BCAS4: variants seen among roughly 807,000 people sequenced by gnomAD.
The protein encoded by BCAS4 is breast carcinoma amplified sequence 4.
In BCAS4, 9 loss-of-function variants were observed where a neutral mutation model predicts 15.7. That is an observed-to-expected ratio of 0.57 (90% CI 0.34 to 1.00). The LOEUF (loss-of-function observed/expected upper bound fraction) is 1.00, where lower values mean the gene tolerates loss of function less well. BCAS4 is among the 50% of genes least tolerant of loss of function. The pLI is 0.02. For synonymous variants in BCAS4, 101 were observed against 99.5 expected, an observed-to-expected ratio of 1.02 and a Z score of -0.09; for missense variants, 225 against 239.1, an observed-to-expected ratio of 0.94 and a Z score of 0.39.
intron 4 of BCAS4, among the ~76,000 whole-genome samples, chr20:50,843,251 C>T (rs1220972677): frequency 1.3e-5 from 2 of 152,216 alleles, no homozygotes; most frequent in Non-Finnish European, 2.9e-5. Context: ...GCTACCATGC[C>T]TGGCCTTATT....
intron 4 of BCAS4, among the ~76,000 whole-genome samples, chr20:50,853,907 C>G (rs1978612963): frequency 1.3e-5 from 2 of 151,988 alleles, no homozygotes; most frequent in Non-Finnish European, 1.5e-5. Flanking sequence ...TGCCGCATCT[C>G]TAGCCTCACT....
downstream of BCAS4, chr20:50,879,350 C>T (rs1980071791): frequency 6.6e-6 from 1 of 152,180 alleles, no homozygotes; most frequent in African/African-American, 2.4e-5. Flanking sequence ...AACCTCATCT[C>T]TACTAAAAAT....
intron 4 of BCAS4, among the ~76,000 whole-genome samples, chr20:50,875,047 T>A (rs2122696015): frequency 6.6e-6 from 1 of 152,308 alleles, no homozygotes; most frequent in East Asian, 1.9e-4. Context: ...CCTCTCCTTC[T>A]TCTGGTGCAG....
intron 3 of BCAS4, among the ~76,000 whole-genome samples, chr20:50,835,919 T>C (rs2123798884): frequency 6.6e-6 from 1 of 152,130 alleles, no homozygotes; most frequent in South Asian, 2.1e-4. Context: ...TTTCTTTTCT[T>C]TTCTTTTTTT....
chr20:50,839,452 G>A (rs1295358486), intron 3 of BCAS4, among the ~76,000 whole-genome samples: 1 of 152,172 alleles, frequency 6.6e-6, no homozygotes, highest in Non-Finnish European at 1.5e-5. Context: ...GATAGTGTCT[G>A]AGATTTGATG....
chr20:50,841,962 G>A, intron 4 of BCAS4, 62 bp downstream of exon 4: 1 of 1,493,656 alleles, frequency 6.7e-7, no homozygotes, highest in Non-Finnish European at 8.9e-7. Context: ...GCAGACCCCA[G>A]CGTGGGGAGG....
intron 2 of BCAS4, 42 bp downstream of exon 2, chr20:50,818,324 G>C (rs759655085): frequency 8.4e-7 from 1 of 1,191,870 alleles, no homozygotes; most frequent in South Asian, 1.5e-5. Context: ...GCCCAGGCCA[G>C]ACTTCAGGCC....
intron 1 of BCAS4, among the ~76,000 whole-genome samples, chr20:50,814,378 T>C (rs2179468): frequency 0.23 from 34,451 of 152,210 alleles, 5,575 homozygotes; most frequent in African/African-American, 0.46. Context: ...CTCAACCTCC[T>C]GGGCCCAAGT....
chr20:50,875,612 A>AT (rs1450423787), intron 4 of BCAS4, among the ~76,000 whole-genome samples: 2 of 150,876 alleles, frequency 1.3e-5, no homozygotes, highest in Non-Finnish European at 3.0e-5. Context: ...TAAAAAAAAA[A>AT]AAAAAAAAAA....
At chr20:50,861,268 T>C (rs570810357) in intron 4 of BCAS4, among the ~76,000 whole-genome samples, 1 of 152,218 alleles carries the variant, frequency 6.6e-6, no homozygotes, top group East Asian at 1.9e-4. Flanking sequence ...CCCTGCGTGG[T>C]GAGGGGCTGA....
intron 4 of BCAS4, 90 bp downstream of exon 4, chr20:50,841,990 G>C: frequency 1.4e-6 from 2 of 1,420,092 alleles, no homozygotes; most frequent in Non-Finnish European, 1.9e-6. Context: ...AGGAAGCAGA[G>C]TTCAGGGGGG....
chr20:50,841,568 G>A (rs1247954786), intron 3 of BCAS4, among the ~76,000 whole-genome samples, 198 bp from the exon 4 acceptor site: 6 of 152,208 alleles, frequency 3.9e-5, no homozygotes, highest in African/African-American at 1.4e-4. Context: ...GGCCACCAGC[G>A]GGAGCTGTGA....
intron 2 of BCAS4, among the ~76,000 whole-genome samples, chr20:50,821,841 G>A (rs987048488): frequency 2.6e-5 from 4 of 152,026 alleles, no homozygotes; most frequent in African/African-American, 9.7e-5. Context: ...CTCTGTTCTG[G>A]GACCTCTTTT....
intron 3 of BCAS4, among the ~76,000 whole-genome samples, chr20:50,832,512 C>T (rs1344513657): frequency 6.6e-6 from 1 of 152,180 alleles, no homozygotes; most frequent in East Asian, 1.9e-4. Flanking sequence ...CCCGCCTCAG[C>T]CTCCCAAAGT....
In BCAS4 at chr20:50,863,509, C is replaced by G. The variant is rs186813224; in HGVS notation, c.400-12977C>G. The stretch of plus-strand genomic sequence containing the variant: ...CTGACCTCAAGCGATACGCCTGTCT[C>G]GGCCTCCTAAAGTGCTGGAATTATA... On this transcript the variant is annotated intron_variant, in intron 4 of 4. Coordinates refer to ENST00000371608, the MANE Select transcript of BCAS4 (RefSeq NM_198799.4). Among the ~76,000 whole-genome samples, 58 of 152,216 alleles carry G rather than the reference C, an allele frequency of 3.8e-4. 1 individual carries two copies. In the South Asian group the frequency reaches 0.01, roughly 27 times the overall value.
intron 4 of BCAS4, among the ~76,000 whole-genome samples, chr20:50,864,257 G>A (rs1224734484): frequency 3.3e-5 from 5 of 152,134 alleles, no homozygotes; most frequent in Admixed American, 3.3e-4. Flanking sequence ...ACACTCCAGA[G>A]GCCGGCCTGG....
At chr20:50,870,432 C>T (rs766468464) in intron 4 of BCAS4, among the ~76,000 whole-genome samples, 2 of 152,188 alleles carry the variant, frequency 1.3e-5, no homozygotes, top group Non-Finnish European at 2.9e-5. Context: ...TGAACCCAGC[C>T]GGGGCCTGAG....
intron 3 of BCAS4, chr20:50,840,903 C>T: frequency 1.6e-6 from 1 of 644,574 alleles, no homozygotes; most frequent in Non-Finnish European, 2.8e-6. Context: ...GATCTCAGCT[C>T]ACTGCAACCT....
intron 4 of BCAS4, among the ~76,000 whole-genome samples, chr20:50,875,616 A>G (rs1045133622): frequency 3.3e-5 from 5 of 150,910 alleles, no homozygotes; most frequent in Non-Finnish European, 7.4e-5. Context: ...AAAAAAAAAA[A>G]AAAAAAGAAA....
Sources: allele counts gnomAD v4.1 joint callset (sites outside exome capture counted in the v4.1 genomes callset), GRCh38; gene constraint gnomAD v4.1.1; transcripts MANE v1.5; gene names NCBI Gene and HGNC (gene_info 2026-07-23, HGNC 2026-07-21).